Variants in KCNMB2 observed in about 807,000 individuals in gnomAD.
KCNMB2 encodes potassium calcium-activated channel subfamily M regulatory beta subunit 2.
In KCNMB2, 9 loss-of-function variants were observed where a neutral mutation model predicts 24.5. The ratio of observed to expected loss-of-function variants is 0.37; its 90% confidence interval spans 0.22 to 0.64. KCNMB2 has a LOEUF of 0.64. KCNMB2 is among the 30% of genes least tolerant of loss of function. The pLI is 0.63. For synonymous variants in KCNMB2, 109 were observed against 104.4 expected (o/e 1.04, Z -0.27); for missense variants, 226 against 284.3 (o/e 0.79, Z 1.47).
chr3:178,680,646 TC>T (rs1471256077), intron 1 of KCNMB2, among the ~76,000 whole-genome samples: 2 of 152,202 alleles, frequency 1.3e-5, no homozygotes, highest in African/African-American at 4.8e-5. Context: ...ATCAGAGCTC[TC>T]TGCTGGCAAC....
chr3:178,723,935 A>G (rs1722886293), intron 1 of KCNMB2, among the ~76,000 whole-genome samples: 2 of 152,268 alleles, frequency 1.3e-5, no homozygotes, highest in South Asian at 4.1e-4. Context: ...GAATAGTGCC[A>G]TGGTAAACAT....
chr3:178,838,185 G>C (rs4527359), intron 4 of KCNMB2, among the ~76,000 whole-genome samples: 8 of 152,054 alleles, frequency 5.3e-5, no homozygotes, highest in Non-Finnish European at 1.0e-4. Flanking sequence ...CATTTTTGAA[G>C]GACAAAAATA....
At chr3:178,563,578 T>A (rs1339482230) in intron 1 of KCNMB2, among the ~76,000 whole-genome samples, 1 of 152,182 alleles carries the variant, frequency 6.6e-6, no homozygotes, top group Non-Finnish European at 1.5e-5. Context: ...TGGTCTTGCA[T>A]CACATTTCAC....
At chr3:178,557,179 T>C (rs979148465) in intron 1 of KCNMB2, among the ~76,000 whole-genome samples, 1 of 152,194 alleles carries the variant, frequency 6.6e-6, no homozygotes, top group Non-Finnish European at 1.5e-5. Context: ...GTCCTGATTC[T>C]GATCAGGATT....
chr3:178,622,774 C>T (rs1175968066), intron 1 of KCNMB2, among the ~76,000 whole-genome samples: 1 of 152,166 alleles, frequency 6.6e-6, no homozygotes, highest in Non-Finnish European at 1.5e-5. Flanking sequence ...CACTGCCCAC[C>T]TGAAATCTGA....
intron 1 of KCNMB2, among the ~76,000 whole-genome samples, chr3:178,625,376 G>T (rs545955866): frequency 1.3e-5 from 2 of 152,328 alleles, no homozygotes; most frequent in Admixed American, 1.3e-4. Context: ...GGGAGCAGCC[G>T]CTTCTTTTCA....
intron 1 of KCNMB2, among the ~76,000 whole-genome samples, chr3:178,574,580 C>G (rs1211265666): frequency 6.6e-6 from 1 of 152,140 alleles, no homozygotes; most frequent in African/African-American, 2.4e-5. Context: ...TTTTCTCATC[C>G]AGTCCGTGTC....
intron 1 of KCNMB2, among the ~76,000 whole-genome samples, chr3:178,768,971 G>A (rs2108419247): frequency 6.6e-6 from 1 of 152,200 alleles, no homozygotes; most frequent in Admixed American, 6.5e-5. Context: ...AGAAGTGATA[G>A]CAATATTAGA....
At chr3:178,612,592 T>G (rs1244774044) in intron 1 of KCNMB2, among the ~76,000 whole-genome samples, 1 of 152,164 alleles carries the variant, frequency 6.6e-6, no homozygotes, top group Admixed American at 6.5e-5. Flanking sequence ...ATAAAATATC[T>G]TTTTTCCAAC....
At chr3:178,601,192 CA>C (rs1718070501) in intron 1 of KCNMB2, among the ~76,000 whole-genome samples, 1 of 82,238 alleles carries the variant, frequency 1.2e-5, no homozygotes. Context: ...GGGGGCCTGT[CA>C]GGGGGTTGGG....
chr3:178,758,165 G>GATATAT (rs375000460), intron 1 of KCNMB2, among the ~76,000 whole-genome samples: 1 of 3,778 alleles, frequency 2.6e-4, no homozygotes, highest in Non-Finnish European at 5.9e-4. Flanking sequence ...TATCCAAGAG[G>GATATAT]ATATATATAT....
chr3:178,562,824 C>G (rs1222822918), intron 1 of KCNMB2, among the ~76,000 whole-genome samples: 1 of 152,196 alleles, frequency 6.6e-6, no homozygotes, highest in African/African-American at 2.4e-5. Flanking sequence ...AACATAGACA[C>G]CTTTGGGGAC....
At chr3:178,567,272 G>C (rs927620480) in intron 1 of KCNMB2, among the ~76,000 whole-genome samples, 1 of 152,000 alleles carries the variant, frequency 6.6e-6, no homozygotes, top group Non-Finnish European at 1.5e-5. Flanking sequence ...ACTTAAGCAT[G>C]GTATCATTTA....
In KCNMB2 at chr3:178,777,307, C is replaced by T. The variant is rs553779496; in HGVS notation, c.-67-30036C>T. The stretch of plus-strand genomic sequence containing the variant: ...AAAATTAGCTGGGTGTGATGACGGG[C>T]GCCTGTAATCCAAGCTACTCAGAGG... On this transcript the variant is annotated intron_variant, in intron 1 of 4. Coordinates refer to ENST00000452583, the MANE Select transcript of KCNMB2 (RefSeq NM_181361.3). Among the ~76,000 whole-genome samples the T allele has an allele frequency of 5.9e-5, 9 of 152,032 alleles. No individual in the cohort carries two copies. In the South Asian group the frequency reaches 1.2e-3, roughly 21 times the overall value.
intron 1 of KCNMB2, among the ~76,000 whole-genome samples, chr3:178,709,754 G>A (rs556538556): frequency 1.3e-5 from 2 of 152,124 alleles, no homozygotes; most frequent in Non-Finnish European, 2.9e-5. Context: ...TAAGACACCA[G>A]TTTAGGCAAT....
chr3:178,801,350 G>A (rs924583840), intron 1 of KCNMB2, among the ~76,000 whole-genome samples: 6 of 151,970 alleles, frequency 3.9e-5, no homozygotes, highest in Admixed American at 3.9e-4. Context: ...AGAAAGAAAA[G>A]AAGTCTGCAA....
At chr3:178,615,466 T>G (rs1045343625) in intron 1 of KCNMB2, among the ~76,000 whole-genome samples, 42 of 152,322 alleles carry the variant, frequency 2.8e-4, no homozygotes, top group African/African-American at 9.9e-4. Flanking sequence ...GTATTGAGGC[T>G]GAGCTGGCAG....
chr3:178,812,958 T>C (rs1451786355), intron 2 of KCNMB2, among the ~76,000 whole-genome samples: 3 of 152,194 alleles, frequency 2.0e-5, no homozygotes, highest in African/African-American at 7.2e-5. Flanking sequence ...CAAGTAAGTT[T>C]TAAAATCAGG....
At chr3:178,592,197 G>T (rs1717700246) in intron 1 of KCNMB2, among the ~76,000 whole-genome samples, 2 of 152,146 alleles carry the variant, frequency 1.3e-5, no homozygotes, top group Admixed American at 1.3e-4. Context: ...ACTAGCAGTT[G>T]TAAATCATGT....
Sources: gnomAD v4.1 joint callset for allele counts (sites outside exome capture counted in the v4.1 genomes callset) on GRCh38, gnomAD v4.1.1 for gene constraint, MANE v1.5 for transcripts, NCBI Gene and HGNC (gene_info 2026-07-23, HGNC 2026-07-21) for gene names.